Variants in PI4KA observed in about 807,000 individuals in gnomAD.
PI4KA encodes PI4-kinase alpha.
In PI4KA, 122 loss-of-function variants were observed where a neutral mutation model predicts 271.4. The observed-to-expected ratio is 0.45, with a 90% CI of 0.39 to 0.52. The LOEUF is 0.52. PI4KA is among the 20% of genes least tolerant of loss of function. The probability of loss-of-function intolerance (pLI) is 0.00; values close to 1 mark genes in which losing one functional copy is unlikely to be tolerated. For missense variants in PI4KA, 1,969 were observed against 2,769.1 expected, an observed-to-expected ratio of 0.71 and a Z score of 6.48; for synonymous variants, 1,041 against 1,078.8, an observed-to-expected ratio of 0.96 and a Z score of 0.69.
chr22:20,751,311 G>A lies in PI4KA; in HGVS notation c.3135C>T (p.Asp1045=). 1.2e-6 allele frequency: 2 copies of A among 1,613,996 alleles called. No homozygotes were observed. The highest frequency in any genetic ancestry group is 2.2e-5 in the East Asian group (1 of 44,890). The stretch of plus-strand genomic sequence containing the variant: ...GGCCTACCTCACGGGCTTCGTACGT[G>A]TCAGGAACCGTGATCCGGTAGGGGG... ...PDAPYRITVP[D]TYEARESIVK... is the part of the protein sequence containing the mutation. The change falls in exon 27 of 55, where the codon GAC becomes GAT. Residue 1045 remains aspartate, a synonymous_variant. Transcript: ENST00000255882.
intron 19 of PI4KA, among the ~76,000 whole-genome samples, chr22:20,768,055 C>T (rs1008685895): frequency 8.6e-5 from 13 of 151,776 alleles, no homozygotes; most frequent in African/African-American, 9.7e-5. Flanking sequence ...AAAGATCACA[C>T]GCAAAGCTGC....
chr22:20,715,271 A>C (rs2147182260), intron 45 of PI4KA, among the ~76,000 whole-genome samples: 1 of 151,806 alleles, frequency 6.6e-6, no homozygotes, highest in South Asian at 2.1e-4. Context: ...GGGTTTCACC[A>C]TGTTGGCCAG....
At chr22:20,744,760 T>G in intron 29 of PI4KA, 40 bp from the exon 30 acceptor site, 1 of 1,505,850 alleles carries the variant, frequency 6.6e-7, no homozygotes, top group Non-Finnish European at 9.2e-7. Flanking sequence ...ATGGCAGCAC[T>G]ATCCTTTCCT....
intron 42 of PI4KA, among the ~76,000 whole-genome samples, chr22:20,722,333 C>G (rs1926836325): frequency 6.6e-6 from 1 of 152,128 alleles, no homozygotes; most frequent in African/African-American, 2.4e-5. Flanking sequence ...ATTACAGGCG[C>G]ACACCACCAC....
chr22:20,726,561 T>G lies in PI4KA; in HGVS notation c.4942-20A>C, dbSNP rs1164115562. 1 of 1,579,972 alleles carries G rather than the reference T, an allele frequency of 6.3e-7. No homozygotes were observed. The highest frequency in any genetic ancestry group is 8.6e-7 in the Non-Finnish European group (1 of 1,165,360). On this transcript the variant is annotated intron_variant, in intron 41 of 54. Transcript: ENST00000255882. The stretch of plus-strand genomic sequence containing the variant: ...GGCGTCCTGTGGAGGTGGAGCAGAG[T>G]TGGCCATGACTTCTGAGAGCAGAGC...
At chr22:20,786,118 C>T (rs769432753) in intron 19 of PI4KA, 1 of 1,614,122 alleles carries the variant, frequency 6.2e-7, no homozygotes, top group Admixed American at 1.7e-5. Flanking sequence ...ACATGGCAGG[C>T]ATCTCAGACC....
chr22:20,712,301 C>T (rs1267738125), intron 50 of PI4KA, 185 bp downstream of exon 50: 13 of 908,544 alleles, frequency 1.4e-5, no homozygotes, highest in East Asian at 2.4e-4. Context: ...GTGATCTGCC[C>T]GCCTCGGCCT....
chr22:20,761,826 C>A (rs1204307505), intron 22 of PI4KA, among the ~76,000 whole-genome samples: 1 of 152,204 alleles, frequency 6.6e-6, no homozygotes, highest in Non-Finnish European at 1.5e-5. Flanking sequence ...GCAGGGAACA[C>A]ATGTCCAGCA....
intron 5 of PI4KA, 76 bp from the exon 6 acceptor site, chr22:20,819,976 C>T: frequency 7.8e-7 from 1 of 1,287,368 alleles, no homozygotes; most frequent in Non-Finnish European, 1.1e-6. Context: ...TAACTTGTAA[C>T]ATTGACTAAG....
intron 23 of PI4KA, among the ~76,000 whole-genome samples, chr22:20,759,272 G>C (rs534292884): frequency 6.6e-6 from 1 of 152,244 alleles, no homozygotes; most frequent in East Asian, 1.9e-4. Context: ...TTAAACTCCT[G>C]GCCTCAAGTA....
chr22:20,727,460 T>C (rs1224930674), intron 40 of PI4KA, 63 bp from the exon 41 acceptor site: 16 of 1,434,142 alleles, frequency 1.1e-5, no homozygotes, highest in Non-Finnish European at 1.5e-5. Flanking sequence ...AAATACCTGG[T>C]CCACGGGCCA....
chr22:20,846,120 C>G (rs1327348487), intron 1 of PI4KA, among the ~76,000 whole-genome samples: 1 of 151,562 alleles, frequency 6.6e-6, no homozygotes, highest in Non-Finnish European at 1.5e-5. Context: ...AAAAATTAGG[C>G]AGGCTTGGTG....
At chr22:20,794,078 T>C (rs1373327093) in intron 18 of PI4KA, among the ~76,000 whole-genome samples, 1 of 152,216 alleles carries the variant, frequency 6.6e-6, no homozygotes, top group African/African-American at 2.4e-5. Context: ...TGTAAACATA[T>C]ACACCTACTA....
At chr22:20,828,290 T>C (rs370153635) in intron 3 of PI4KA, among the ~76,000 whole-genome samples, 1 of 152,160 alleles carries the variant, frequency 6.6e-6, no homozygotes, top group Non-Finnish European at 1.5e-5. Context: ...TAAAATCATA[T>C]AATCTATGAA....
intron 19 of PI4KA, among the ~76,000 whole-genome samples, chr22:20,771,824 C>T (rs1412679960): frequency 1.3e-5 from 2 of 152,054 alleles, no homozygotes; most frequent in African/African-American, 4.8e-5. Flanking sequence ...TCAAGTGATC[C>T]ACCCGCCTTG....
intron 1 of PI4KA, among the ~76,000 whole-genome samples, chr22:20,847,147 CAA>C (rs752062607): frequency 2.9e-4 from 22 of 74,916 alleles, no homozygotes; most frequent in Admixed American, 6.1e-4. Context: ...GACTCCATCT[CAA>C]AAAAAAAAAA....
At position 20,729,621 on chromosome 22, in the gene PI4KA, G is replaced by A; in HGVS notation, c.4488+11C>T. 1 of 1,562,860 alleles carries A rather than the reference G, an allele frequency of 6.4e-7. No homozygotes were observed. The highest frequency in any genetic ancestry group is 8.7e-7 in the Non-Finnish European group (1 of 1,152,532). ...GCGGGCAGCAGGCACAGCTGCACCT[G>A]TGGGCCTTACCAGCAGGGACAGCAG... On this transcript the variant is annotated intron_variant, in intron 38 of 54. Transcript: ENST00000255882.
At chr22:20,830,835 G>A (rs182098035) in intron 3 of PI4KA, among the ~76,000 whole-genome samples, 37 of 152,142 alleles carry the variant, frequency 2.4e-4, no homozygotes, top group African/African-American at 8.4e-4. Context: ...GCAGTGATGC[G>A]ACTGTGGCTC....
chr22:20,776,901 A>T (rs947084254), intron 19 of PI4KA, among the ~76,000 whole-genome samples: 1 of 152,298 alleles, frequency 6.6e-6, no homozygotes, highest in South Asian at 2.1e-4. Flanking sequence ...AGGCCTACTG[A>T]GTTCAAATAT....
Sources: gnomAD v4.1 joint callset for allele counts (sites outside exome capture counted in the v4.1 genomes callset) on GRCh38, gnomAD v4.1.1 for gene constraint, MANE v1.5 for transcripts, NCBI Gene and HGNC (gene_info 2026-07-23, HGNC 2026-07-21) for gene names.